MEDAG: variants seen among roughly 807,000 people sequenced by gnomAD.
The protein encoded by MEDAG is mesenteric estrogen dependent adipogenesis.
MEDAG carries 25 observed loss-of-function variants against 29.9 expected under a neutral mutation model. That is an observed-to-expected ratio of 0.84 (90% confidence interval 0.61 to 1.17). MEDAG has a LOEUF of 1.17. MEDAG is among the 50% of genes most tolerant of loss of function. The pLI, the probability that MEDAG is intolerant of heterozygous loss-of-function variation, is 0.00. For synonymous variants in MEDAG, 158 were observed against 148.2 expected (o/e 1.07, Z -0.48); for missense variants, 398 against 372.9 (o/e 1.07, Z -0.56).
At chr13:30,917,559 C>A in intron 2 of MEDAG, 47 bp downstream of exon 2, 1 of 1,019,994 alleles carries the variant, frequency 9.8e-7, no homozygotes, top group Non-Finnish European at 1.5e-6. Flanking sequence ...AAAGAAATAC[C>A]TAAAACTGGG....
chr13:30,924,735 G>A lies in MEDAG; in HGVS notation c.*300G>A. 1 of 224,076 alleles carries A rather than the reference G, an allele frequency of 4.5e-6. No homozygotes were observed. Among genetic ancestry groups the A allele is most frequent in the Non-Finnish European group, 8.7e-6 (1 of 115,352 alleles). 13.9% of individuals were successfully genotyped at this position (224,076 alleles called of 1,614,324 possible). Reference sequence around the variant, plus strand: ...GAACACTTCTCCAAAGAGGCAGAAGGGCCACAGAGTTCTGCCACCCTGAAC... The same window carrying A: ...GAACACTTCTCCAAAGAGGCAGAAGAGCCACAGAGTTCTGCCACCCTGAAC... On this transcript the variant is annotated 3_prime_UTR_variant, in exon 5 of 5. Transcript: ENST00000380482.
intron 4 of MEDAG, chr13:30,922,583 G>T (rs551183601): frequency 3.3e-5 from 5 of 152,162 alleles, no homozygotes; most frequent in African/African-American, 1.2e-4. Context: ...TATTTGGAAG[G>T]GTTCTCCAGA....
intron 1 of MEDAG, among the ~76,000 whole-genome samples, chr13:30,910,806 A>G (rs947679338): frequency 4.6e-5 from 7 of 152,206 alleles, no homozygotes; most frequent in African/African-American, 1.4e-4. Flanking sequence ...TAGGGCTGGA[A>G]CACACTTGGA....
At chr13:30,921,473 T>G (rs561395600) in intron 3 of MEDAG, 88 bp from the exon 4 acceptor site, 8 of 1,206,012 alleles carry the variant, frequency 6.6e-6, no homozygotes, top group Non-Finnish European at 9.3e-6. Context: ...AGGTGTGATG[T>G]TTTGGATATT....
intron 1 of MEDAG, among the ~76,000 whole-genome samples, chr13:30,910,744 C>T (rs922734858): frequency 3.3e-5 from 5 of 152,162 alleles, no homozygotes; most frequent in African/African-American, 4.8e-5. Flanking sequence ...CTACTCAGGG[C>T]GGAGAATGCA....
chr13:30,908,188 C>G (rs552192802), intron 1 of MEDAG, among the ~76,000 whole-genome samples: 1 of 152,288 alleles, frequency 6.6e-6, no homozygotes, highest in African/African-American at 2.4e-5. Context: ...CTAACTTTTG[C>G]TTTGAACACC....
chr13:30,917,242 T>C lies in MEDAG; in HGVS notation c.279-161T>C, dbSNP rs536958769. ...CGCTGATCCTTGAGCCAATCAGCCA[T>C]GACCAGAAAGATTCGTTTATATGGT... On this transcript the variant is annotated intron_variant, in intron 1 of 4. Transcript: ENST00000380482. Among the ~76,000 whole-genome samples, 4 of 152,300 alleles carry C rather than the reference T, an allele frequency of 2.6e-5. No individual in the cohort carries two copies. In the South Asian group the frequency reaches 8.3e-4, roughly 32 times the overall value.
In MEDAG at chr13:30,906,363, C is replaced by T; in HGVS notation, c.-153C>T. 1 of 771,638 alleles carries T rather than the reference C, an allele frequency of 1.3e-6. No homozygotes were observed. The highest frequency in any genetic ancestry group is 1.8e-6 in the Non-Finnish European group (1 of 554,358). The allele number at this position is 771,638 out of a possible 1,614,324, so 47.8% of individuals were successfully genotyped here. On this transcript the variant is annotated 5_prime_UTR_variant, in exon 1 of 5. Coordinates refer to ENST00000380482, the MANE Select transcript of MEDAG (RefSeq NM_032849.4). ...CAGACTGGCACCTGAGCGGCCACCG[C>T]GTCCCGGCCAGGCGGGCAGACCGAC...
intron 2 of MEDAG, among the ~76,000 whole-genome samples, chr13:30,919,661 C>T (rs920479759): frequency 6.6e-6 from 1 of 152,154 alleles, no homozygotes. Flanking sequence ...GTTTAAAATG[C>T]CTTCCTCGAG....
At position 30,917,524 on chromosome 13, in the gene MEDAG, T is replaced by C. The variant is rs181982642; in HGVS notation, c.388+12T>C. On this transcript the variant is annotated intron_variant, in intron 2 of 4. Transcript: ENST00000380482. ...AGACACCTCAAAAGGTAAGTATCTA[T>C]ATTAGTCCATTTTCACACTGCTATA... is the stretch of plus-strand genomic sequence containing the variant. The C allele has an allele frequency of 9.2e-4, 1,284 of 1,395,592 alleles. 2 individuals carry two copies. Among genetic ancestry groups the C allele is most frequent in the Non-Finnish European group, 1.2e-3 (1,210 of 986,260 alleles). The allele number at this position is 1,395,592 out of a possible 1,614,324, so 86.5% of individuals were successfully genotyped here.
At chr13:30,916,783 G>T (rs1454320404) in intron 1 of MEDAG, 1 of 152,414 alleles carries the variant, frequency 6.6e-6, no homozygotes, top group African/African-American at 2.4e-5. Context: ...CTTCCTAAAT[G>T]AGAATAATGA....
intron 1 of MEDAG, among the ~76,000 whole-genome samples, chr13:30,910,778 G>A (rs1273665906): frequency 6.6e-6 from 1 of 152,232 alleles, no homozygotes; most frequent in East Asian, 1.9e-4. Context: ...GGCACTCATA[G>A]GGGTAAAATG....
chr13:30,919,448 G>T (rs1952961212), intron 2 of MEDAG, among the ~76,000 whole-genome samples: 1 of 152,218 alleles, frequency 6.6e-6, no homozygotes, highest in Non-Finnish European at 1.5e-5. Context: ...CACAACTGTG[G>T]AGTGTTGTGG....
At chr13:30,921,266 G>A (rs573731109) in intron 3 of MEDAG, 140 bp downstream of exon 3, 4 of 711,178 alleles carry the variant, frequency 5.6e-6, no homozygotes, top group Non-Finnish European at 6.9e-6. Context: ...CAGACACTTT[G>A]TTCTCAAAGG....
At chr13:30,920,188 G>C (rs951969820) in intron 2 of MEDAG, among the ~76,000 whole-genome samples, 7 of 152,188 alleles carry the variant, frequency 4.6e-5, no homozygotes, top group Admixed American at 4.6e-4. Flanking sequence ...CTGGGCATGG[G>C]GTAGGGGTAG....
rs1054976770 is a variant in MEDAG at position 30,925,253 on chromosome 13, A to G, written c.*818A>G. 1 of 152,220 alleles carries G rather than the reference A, an allele frequency of 6.6e-6. No individual in the cohort carries two copies. The highest frequency in any genetic ancestry group is 2.4e-5 in the African/African-American group (1 of 41,452). 9.4% of individuals were successfully genotyped at this position (152,220 alleles called of 1,614,324 possible). ...TTAGCAAACCTAACACTAAAAGCAA[A>G]ATAGAAGAAAGCTATACCATTACCA... On this transcript the variant is annotated 3_prime_UTR_variant, in exon 5 of 5. Coordinates refer to ENST00000380482, the MANE Select transcript of MEDAG (RefSeq NM_032849.4).
chr13:30,915,858 C>T (rs972683403), intron 1 of MEDAG, among the ~76,000 whole-genome samples: 6 of 152,076 alleles, frequency 3.9e-5, no homozygotes, highest in Admixed American at 3.9e-4. Flanking sequence ...TCGTCCTCTC[C>T]TCTACTCCTG....
intron 2 of MEDAG, among the ~76,000 whole-genome samples, chr13:30,920,518 G>A (rs1410030726): frequency 6.6e-6 from 1 of 152,100 alleles, no homozygotes; most frequent in Non-Finnish European, 1.5e-5. Flanking sequence ...GAGCCCAGGA[G>A]GTTGAGGCTG....
Position 30,906,376 on chromosome 13 carries a change from C to A in MEDAG, c.-140C>A, listed in dbSNP as rs796070166. 2.9e-5 allele frequency: 26 copies of A among 900,894 alleles called. No individual in the cohort carries two copies. The African/African-American group carries it at 3.8e-4, about 13-fold the overall frequency. The allele number at this position is 900,894 out of a possible 1,614,324, so 55.8% of individuals were successfully genotyped here. A position where few individuals can be genotyped will look rare whatever the true frequency, so the allele number is the denominator to read the frequency against. ...GAGCGGCCACCGCGTCCCGGCCAGG[C>A]GGGCAGACCGACCCCCTCCTCACCT... On this transcript the variant is annotated 5_prime_UTR_variant, in exon 1 of 5. Coordinates refer to ENST00000380482, the MANE Select transcript of MEDAG (RefSeq NM_032849.4).
Sources: gnomAD v4.1 joint callset for allele counts (sites outside exome capture counted in the v4.1 genomes callset) on GRCh38, gnomAD v4.1.1 for gene constraint, MANE v1.5 for transcripts, NCBI Gene and HGNC (gene_info 2026-07-23, HGNC 2026-07-21) for gene names.